Variants in CLEC19A observed in about 807,000 individuals in gnomAD.
The protein encoded by CLEC19A is C-type lectin domain containing 19A.
In CLEC19A, 21 loss-of-function variants were observed where a neutral mutation model predicts 26.1. The observed-to-expected ratio is 0.80, with a 90% CI of 0.57 to 1.16. CLEC19A has a LOEUF of 1.16. CLEC19A is among the 50% of genes most tolerant of loss of function. CLEC19A has a pLI of 0.00. For synonymous variants in CLEC19A, 89 were observed against 88.6 expected (o/e 1.00, Z -0.03); for missense variants, 224 against 227.6 (o/e 0.98, Z 0.10).
intron 1 of CLEC19A, among the ~76,000 whole-genome samples, chr16:19,293,907 C>T (rs1897647156): frequency 6.6e-6 from 1 of 152,096 alleles, no homozygotes; most frequent in Non-Finnish European, 1.5e-5. Context: ...GTTACAAACA[C>T]TCCAATTATA....
intron 4 of CLEC19A, 138 bp from the exon 5 acceptor site, chr16:19,308,866 T>C: frequency 1.5e-6 from 1 of 652,954 alleles, no homozygotes; most frequent in African/African-American, 1.8e-5. Context: ...AGCAGGCTTG[T>C]CAAGTATCAG....
At chr16:19,298,222 A>G (rs1320283488) in intron 1 of CLEC19A, among the ~76,000 whole-genome samples, 1 of 146,104 alleles carries the variant, frequency 6.8e-6, no homozygotes, top group African/African-American at 2.5e-5. Flanking sequence ...AGCCTGGGCA[A>G]CATGAGCAAA....
intron 1 of CLEC19A, among the ~76,000 whole-genome samples, chr16:19,287,513 C>T (rs966867417): frequency 1.3e-5 from 2 of 152,160 alleles, no homozygotes; most frequent in Admixed American, 1.3e-4. Context: ...TGCCTCCTTA[C>T]TCTCGGACCT....
At chr16:19,292,566 T>G (rs1282047070) in intron 1 of CLEC19A, among the ~76,000 whole-genome samples, 3 of 152,246 alleles carry the variant, frequency 2.0e-5, no homozygotes, top group Non-Finnish European at 4.4e-5. Flanking sequence ...CCAGTCATTG[T>G]GCACCTACTA....
At chr16:19,308,927 C>T in intron 4 of CLEC19A, 77 bp from the exon 5 acceptor site, 1 of 1,205,694 alleles carries the variant, frequency 8.3e-7, no homozygotes, top group South Asian at 1.3e-5. Context: ...ATGGCTTTTA[C>T]TTCAGAGGAG....
chr16:19,301,126 C>A (rs1254153373), intron 2 of CLEC19A, among the ~76,000 whole-genome samples: 3 of 152,182 alleles, frequency 2.0e-5, no homozygotes, highest in Non-Finnish European at 4.4e-5. Context: ...GAGATATATT[C>A]AATAAAAAGC....
intron 2 of CLEC19A, among the ~76,000 whole-genome samples, chr16:19,300,845 C>T (rs1482900478): frequency 6.6e-6 from 1 of 152,172 alleles, no homozygotes; most frequent in Non-Finnish European, 1.5e-5. Flanking sequence ...ACAGGCCAGT[C>T]CTATGGGAGT....
At chr16:19,292,686 G>C (rs1041816347) in intron 1 of CLEC19A, among the ~76,000 whole-genome samples, 1 of 152,216 alleles carries the variant, frequency 6.6e-6, no homozygotes, top group African/African-American at 2.4e-5. Context: ...TTTATCAGAG[G>C]CTCCTACCTC....
chr16:19,307,651 T>A lies in CLEC19A; in HGVS notation c.455T>A (p.Val152Glu), dbSNP rs759014906. 134 of 1,548,256 alleles carry A rather than the reference T, an allele frequency of 8.7e-5. 4 individuals carry two copies. The South Asian group carries it at 1.6e-3, about 18-fold the overall frequency. Reference sequence around the variant, plus strand: ...GCGGACCCAGAAGAAGAGGACTGCGTGCAGATATGGTACAGGCCTACCAGT... The same window carrying A: ...GCGGACCCAGAAGAAGAGGACTGCGAGCAGATATGGTACAGGCCTACCAGT... ...VHADPEEEDC[V>E]QIWYRPTSAL... The change falls in exon 4 of 5, where the codon GTG becomes GAG. Residue 152 changes from valine (V) to glutamate (E), a missense_variant. Physicochemically the swap from Val to Glu is moderately radical, Grantham distance 121. Transcript: ENST00000636231.
chr16:19,293,146 G>C (rs565156303), intron 1 of CLEC19A, among the ~76,000 whole-genome samples: 18 of 152,164 alleles, frequency 1.2e-4, no homozygotes, highest in Non-Finnish European at 2.4e-4. Flanking sequence ...GATTATTTTT[G>C]GCAAATTATC....
rs179196 is a variant in CLEC19A at position 19,285,897 on chromosome 16, T to G, written c.46T>G (p.Ser16Ala). 163,721 of 1,550,352 alleles carry G rather than the reference T, an allele frequency of 0.11. 15,232 individuals are homozygous for G. The highest frequency in any genetic ancestry group is 0.53 in the East Asian group (21,840 of 40,876). The change falls in exon 1 of 5, where the codon TCT becomes GCT. Residue 16 changes from serine (S) to alanine (A), a missense_variant. By Grantham distance (99) the Ser-to-Ala change is moderately conservative. Coordinates refer to ENST00000636231, the MANE Select transcript of CLEC19A (RefSeq NM_001256720.2). ...LWAAAFLTLH[S>A]AQAFPQTDIS... is the part of the protein sequence containing the mutation. ...GGCTGCAGCCTTCCTGACCCTCCAC[T>G]CTGCACAGGCCTTTCCACAAACAGA...
At chr16:19,304,302 C>A in intron 3 of CLEC19A, 147 bp downstream of exon 3, 1 of 639,580 alleles carries the variant, frequency 1.6e-6, no homozygotes, top group Non-Finnish European at 2.8e-6. Flanking sequence ...ACAGTTACAG[C>A]ATGACCAATT....
intron 1 of CLEC19A, among the ~76,000 whole-genome samples, chr16:19,295,705 C>G (rs1317453314): frequency 6.6e-6 from 1 of 152,128 alleles, no homozygotes. Flanking sequence ...GGATGAGTGT[C>G]CTTGGTTACT....
intron 2 of CLEC19A, among the ~76,000 whole-genome samples, chr16:19,299,039 T>A (rs901557169): frequency 1.1e-4 from 16 of 152,234 alleles, no homozygotes; most frequent in Admixed American, 6.5e-4. Context: ...CCCAAAGTAC[T>A]GGGATTATAG....
At chr16:19,302,706 T>C (rs1169398600) in intron 2 of CLEC19A, among the ~76,000 whole-genome samples, 1 of 152,198 alleles carries the variant, frequency 6.6e-6, no homozygotes, top group African/African-American at 2.4e-5. Context: ...ATTTGTCCAT[T>C]TGCTGTCACA....
At position 19,285,887 on chromosome 16, in the gene CLEC19A, G is replaced by A. The variant is rs988457289; in HGVS notation, c.36G>A (p.Leu12=). The change falls in exon 1 of 5, where the codon CTG becomes CTA. Residue 12 remains leucine (L), a synonymous_variant. Transcript: ENST00000636231. The part of the protein sequence containing the change: ...QRWTLWAAAF[L]TLHSAQAFPQ... ...GGACACTGTGGGCTGCAGCCTTCCT[G>A]ACCCTCCACTCTGCACAGGCCTTTC... 36 of 1,550,398 alleles carry A rather than the reference G, an allele frequency of 2.3e-5. 1 individual carries two copies. Among genetic ancestry groups the A allele is most frequent in the Non-Finnish European group, 3.0e-5 (34 of 1,146,988 alleles).
At chr16:19,293,616 C>T (rs1897638593) in intron 1 of CLEC19A, among the ~76,000 whole-genome samples, 1 of 152,086 alleles carries the variant, frequency 6.6e-6, no homozygotes. Flanking sequence ...GCACATGCCA[C>T]CACTCCTGGC....
intron 2 of CLEC19A, among the ~76,000 whole-genome samples, chr16:19,299,336 A>T (rs1037115908): frequency 6.6e-6 from 1 of 152,204 alleles, no homozygotes; most frequent in Non-Finnish European, 1.5e-5. Flanking sequence ...AACTCCCTCA[A>T]ACCATATTAC....
intron 3 of CLEC19A, chr16:19,304,448 A>T (rs2143010937): frequency 3.8e-6 from 1 of 261,500 alleles, no homozygotes; most frequent in African/African-American, 2.2e-5. Context: ...CATGCCTGTA[A>T]TCCCAGCACT....
Sources: gnomAD v4.1 joint callset for allele counts (sites outside exome capture counted in the v4.1 genomes callset) on GRCh38, gnomAD v4.1.1 for gene constraint, MANE v1.5 for transcripts, NCBI Gene and HGNC (gene_info 2026-07-23, HGNC 2026-07-21) for gene names.